The following CRYL1 variants were observed in gnomAD, a reference collection of about 807,000 sequenced individuals.
CRYL1 encodes lambda-crystallin homolog.
CRYL1 carries 29 observed loss-of-function variants against 36.6 expected under a neutral mutation model. The ratio of observed to expected loss-of-function variants is 0.79; its 90% confidence interval spans 0.59 to 1.08. CRYL1 has a LOEUF of 1.08. Among genes scored for constraint, CRYL1 ranks in the 50% least tolerant of loss-of-function variants. The pLI, the probability that CRYL1 is intolerant of heterozygous loss-of-function variation, is 0.00. For synonymous variants in CRYL1, 152 were observed against 151.5 expected (o/e 1.00, Z -0.02); for missense variants, 411 against 407.9 (o/e 1.01, Z -0.06).
At chr13:20,524,756 C>CCACT (rs1338302846) in intron 1 of CRYL1, among the ~76,000 whole-genome samples, 10 of 152,178 alleles carry the variant, frequency 6.6e-5, no homozygotes, top group Non-Finnish European at 8.8e-5. Flanking sequence ...ACAGTTAACT[C>CCACT]CACTGCTCTG....
At chr13:20,502,440 CAGG>C (rs1173538688) in intron 2 of CRYL1, 1 of 152,224 alleles carries the variant, frequency 6.6e-6, no homozygotes, top group Non-Finnish European at 1.5e-5. Flanking sequence ...ATCACGACAT[CAGG>C]AGATCAAGTC....
chr13:20,448,467 T>C (rs2137414145), intron 3 of CRYL1, among the ~76,000 whole-genome samples: 1 of 152,306 alleles, frequency 6.6e-6, no homozygotes, highest in South Asian at 2.1e-4. Flanking sequence ...AAGCAGAATA[T>C]ACACCTCTCC....
At chr13:20,519,583 C>T (rs1177031762) in intron 1 of CRYL1, among the ~76,000 whole-genome samples, 2 of 142,706 alleles carry the variant, frequency 1.4e-5, no homozygotes, top group Non-Finnish European at 3.1e-5. Flanking sequence ...GGCAACATAG[C>T]GAGACCCCAT....
Position 20,507,919 on chromosome 13 carries a change from C to CA in CRYL1, c.149+4523dup, listed in dbSNP as rs765568009. On this transcript the variant is annotated intron_variant, in intron 2 of 7. Transcript: ENST00000298248. The stretch of plus-strand genomic sequence containing the variant: ...GGCAACAGAGCAAGACTTTTCATCT[C>CA]AAAAAAAAAAAGAAAAAAGAAAAAA... 7.7e-3 allele frequency among the ~76,000 whole-genome samples: 858 copies of CA among 110,774 alleles called. 10 individuals are homozygous for CA. The highest frequency in any genetic ancestry group is 0.015 in the African/African-American group (444 of 29,316). The allele number at this position is 110,774 out of a possible 152,430, so 72.7% of individuals were successfully genotyped here.
intron 6 of CRYL1, among the ~76,000 whole-genome samples, chr13:20,405,296 C>T (rs1397029759): frequency 6.6e-6 from 1 of 152,066 alleles, no homozygotes; most frequent in East Asian, 1.9e-4. Flanking sequence ...GTGCCAGGTC[C>T]CTCAGACCTT....
chr13:20,515,228 G>A (rs1216424811), intron 1 of CRYL1, among the ~76,000 whole-genome samples: 2 of 152,124 alleles, frequency 1.3e-5, no homozygotes, highest in Admixed American at 1.3e-4. Context: ...CCAAGGTTTG[G>A]GATGATGAGC....
In CRYL1 at chr13:20,411,312, T is replaced by A. The variant is rs150709485; in HGVS notation, c.739+1970A>T. On this transcript the variant is annotated intron_variant, in intron 6 of 7. Coordinates refer to ENST00000298248, the MANE Select transcript of CRYL1 (RefSeq NM_015974.3). The stretch of plus-strand genomic sequence containing the variant: ...AAGCCAATTAGGTTTTCTTATCGTA[T>A]CTGCTTTGTTTGAAAAATTGTTATG... 1.1e-4 allele frequency among the ~76,000 whole-genome samples: 17 copies of A among 152,336 alleles called. No individual in the cohort carries two copies. The East Asian group carries it at 2.9e-3, about 26-fold the overall frequency.
chr13:20,490,411 C>T (rs1030192228), intron 2 of CRYL1, among the ~76,000 whole-genome samples: 5 of 151,910 alleles, frequency 3.3e-5, no homozygotes, highest in Non-Finnish European at 7.4e-5. Context: ...ATAACAGAGA[C>T]AGAACTAGAA....
At chr13:20,438,081 A>G (rs2137400465) in intron 4 of CRYL1, among the ~76,000 whole-genome samples, 1 of 152,178 alleles carries the variant, frequency 6.6e-6, no homozygotes, top group South Asian at 2.1e-4. Flanking sequence ...ACCAAATGTG[A>G]CTGGTTCTCT....
intron 2 of CRYL1, among the ~76,000 whole-genome samples, chr13:20,511,904 C>T (rs1299054853): frequency 1.3e-5 from 2 of 152,248 alleles, no homozygotes; most frequent in Non-Finnish European, 2.9e-5. Flanking sequence ...TGCACTCTCA[C>T]ACCTTTAACT....
intron 5 of CRYL1, chr13:20,431,730 AT>A: frequency 2.6e-6 from 3 of 1,166,982 alleles, no homozygotes; most frequent in Non-Finnish European, 2.1e-6. Flanking sequence ...ACAAAATATA[AT>A]TTTTTTCCTT....
At chr13:20,460,581 A>C (rs911304687) in intron 3 of CRYL1, among the ~76,000 whole-genome samples, 3 of 121,358 alleles carry the variant, frequency 2.5e-5, no homozygotes, top group African/African-American at 3.2e-5. Flanking sequence ...GCTGGAGTGC[A>C]GTGGCGCTAT....
chr13:20,510,185 T>C (rs1299919921), intron 2 of CRYL1, among the ~76,000 whole-genome samples: 1 of 152,206 alleles, frequency 6.6e-6, no homozygotes, highest in Non-Finnish European at 1.5e-5. Flanking sequence ...GTTGGAAACT[T>C]ATGTCCATAC....
rs756149192 is a variant in CRYL1 at position 20,423,326 on chromosome 13, G to T, written c.633+8776C>A. Among the ~76,000 whole-genome samples the T allele has an allele frequency of 1.4e-4, 22 of 152,284 alleles. No individual in the cohort carries two copies. In the South Asian group the frequency reaches 2.1e-3, roughly 14 times the overall value. ...CGTTGGATAGAAGTGGTGAGAGTAGGCACCCTTGTCTTGTTCCTAATCTTA... is the reference window on the plus strand; with the variant it reads ...CGTTGGATAGAAGTGGTGAGAGTAGTCACCCTTGTCTTGTTCCTAATCTTA... On this transcript the variant is annotated intron_variant, in intron 5 of 7. Coordinates refer to ENST00000298248, the MANE Select transcript of CRYL1 (RefSeq NM_015974.3).
intron 5 of CRYL1, among the ~76,000 whole-genome samples, chr13:20,421,812 T>TTATG (rs1023508043): frequency 6.6e-6 from 1 of 151,826 alleles, no homozygotes; most frequent in African/African-American, 2.4e-5. Flanking sequence ...ATTTATTTAT[T>TTATG]TTTAGAGTTA....
chr13:20,465,948 A>G (rs77913187), intron 3 of CRYL1, among the ~76,000 whole-genome samples: 1 of 58,228 alleles, frequency 1.7e-5, no homozygotes, highest in African/African-American at 1.2e-4. Flanking sequence ...AGCTGGTTGA[A>G]AAAAAAAAAA....
At chr13:20,489,078 T>C (rs1317186051) in intron 3 of CRYL1, among the ~76,000 whole-genome samples, 1 of 152,220 alleles carries the variant, frequency 6.6e-6, no homozygotes, top group Non-Finnish European at 1.5e-5. Flanking sequence ...AACCTATTTT[T>C]GCTAAAACTG....
At chr13:20,438,000 G>A (rs568033145) in intron 4 of CRYL1, among the ~76,000 whole-genome samples, 66 of 152,272 alleles carry the variant, frequency 4.3e-4, no homozygotes, top group African/African-American at 1.5e-3. Context: ...GCAAAGGCAC[G>A]ACAGGCTTCT....
rs969761625 is a variant in CRYL1, at chr13:20,426,762, C to G, written c.633+5340G>C. 14 of 985,422 alleles carry G rather than the reference C, an allele frequency of 1.4e-5. No individual in the cohort carries two copies. In the African/African-American group the frequency reaches 1.9e-4, roughly 13 times the overall value. The allele number at this position is 985,422 out of a possible 1,614,324, so 61.0% of individuals were successfully genotyped here. On this transcript the variant is annotated intron_variant, in intron 5 of 7. Coordinates refer to ENST00000298248, the MANE Select transcript of CRYL1 (RefSeq NM_015974.3). Reference sequence around the variant, plus strand: ...CATTAACTAAAACAATGTCTCCTAACAGTTGGCAGACATGTCTGAAGTAAA... The same window carrying G: ...CATTAACTAAAACAATGTCTCCTAAGAGTTGGCAGACATGTCTGAAGTAAA...
Sources: gnomAD v4.1 joint callset for allele counts (sites outside exome capture counted in the v4.1 genomes callset) on GRCh38, gnomAD v4.1.1 for gene constraint, MANE v1.5 for transcripts, NCBI Gene and HGNC (gene_info 2026-07-23, HGNC 2026-07-21) for gene names.